PPP2R3A: variants seen among roughly 807,000 people sequenced by gnomAD.
PPP2R3A encodes the protein protein phosphatase 2 regulatory subunit B''alpha, also known as serine/threonine-protein phosphatase 2A regulatory subunit B'' subunit alpha.
A neutral mutation model predicts 106.9 loss-of-function variants in PPP2R3A; 80 were observed. The observed-to-expected ratio is 0.75, with a 90% confidence interval of 0.62 to 0.90. The LOEUF is 0.90. Ranked by LOEUF, PPP2R3A falls within the 40% of genes least tolerant of loss-of-function variation. PPP2R3A has a pLI of 0.00. For synonymous variants in PPP2R3A, 483 were observed against 468.3 expected, an observed-to-expected ratio of 1.03 and a Z score of -0.41; for missense variants, 1,386 against 1,350.4, an observed-to-expected ratio of 1.03 and a Z score of -0.41.
At chr3:135,997,946 T>C (rs1250650951) in intron 1 of PPP2R3A, among the ~76,000 whole-genome samples, 1 of 152,262 alleles carries the variant, frequency 6.6e-6, no homozygotes, top group Non-Finnish European at 1.5e-5. Flanking sequence ...GTGATCTTTC[T>C]GTAACAAATT....
At chr3:136,063,080 C>T (rs1456641242) in intron 5 of PPP2R3A, among the ~76,000 whole-genome samples, 1 of 152,124 alleles carries the variant, frequency 6.6e-6, no homozygotes, top group East Asian at 1.9e-4. Context: ...GAGATATAGA[C>T]CAATGGAATA....
intron 13 of PPP2R3A, among the ~76,000 whole-genome samples, chr3:136,128,069 T>TAAAGACCATCGATGCTAAATTG (rs1938252056): frequency 6.6e-6 from 1 of 151,986 alleles, no homozygotes; most frequent in Non-Finnish European, 1.5e-5. Flanking sequence ...ATGCCAAATT[T>TAAAGACCATCGATGCTAAATTG]TAAAGACCAT....
At chr3:136,084,203 C>G (rs752626313) in intron 8 of PPP2R3A, among the ~76,000 whole-genome samples, 4 of 152,176 alleles carry the variant, frequency 2.6e-5, no homozygotes, top group African/African-American at 7.2e-5. Flanking sequence ...GGCCTGGGGC[C>G]CCCCCTGCTC....
intron 1 of PPP2R3A, among the ~76,000 whole-genome samples, chr3:135,989,752 A>G (rs925253844): frequency 8.5e-5 from 13 of 152,110 alleles, no homozygotes; most frequent in African/African-American, 3.1e-4. Flanking sequence ...AAATGAGTAA[A>G]TTTACTGTGC....
chr3:136,094,438 C>T (rs1466839619), intron 10 of PPP2R3A, among the ~76,000 whole-genome samples: 4 of 151,972 alleles, frequency 2.6e-5, no homozygotes, highest in Non-Finnish European at 1.5e-5. Context: ...GTTCTGTAAA[C>T]AAAATGGAAT....
In PPP2R3A at chr3:136,146,620, T is replaced by C. The variant is rs1377566323; in HGVS notation, c.*1454T>C. On this transcript the variant is annotated 3_prime_UTR_variant, in exon 14 of 14. Transcript: ENST00000264977. ...AAGCTCCCAGTTCCCTGTCATTTTA[T>C]CTTCATGATTAGAACTGATCTTCCA... 6.6e-6 allele frequency: 1 copy of C among 152,222 alleles called. No homozygotes were observed. The highest frequency in any genetic ancestry group is 6.5e-5 in the Admixed American group (1 of 15,276). 9.4% of individuals were successfully genotyped at this position (152,222 alleles called of 1,614,324 possible).
intron 6 of PPP2R3A, 88 bp from the exon 7 acceptor site, chr3:136,078,279 G>A (rs911557099): frequency 2.3e-6 from 2 of 867,818 alleles, no homozygotes; most frequent in African/African-American, 1.7e-5. Context: ...AGTTAAATTG[G>A]TCCCAAGTAT....
At chr3:135,991,093 T>C (rs969232505) in intron 1 of PPP2R3A, among the ~76,000 whole-genome samples, 5 of 152,152 alleles carry the variant, frequency 3.3e-5, no homozygotes, top group Non-Finnish European at 7.4e-5. Context: ...ATTCCAGGAC[T>C]GGGTTTGGCA....
intron 13 of PPP2R3A, among the ~76,000 whole-genome samples, chr3:136,117,502 A>G (rs201917269): frequency 9.8e-5 from 15 of 152,348 alleles, no homozygotes; most frequent in South Asian, 4.1e-4. Flanking sequence ...AAAGAAGAAA[A>G]GAGAGAAGAG....
At chr3:136,035,859 A>G (rs553878656) in intron 3 of PPP2R3A, among the ~76,000 whole-genome samples, 99 of 152,226 alleles carry the variant, frequency 6.5e-4, no homozygotes, top group African/African-American at 2.1e-3. Flanking sequence ...AGGAACACCA[A>G]TCAATCTTAG....
chr3:136,087,615 T>C lies in PPP2R3A; in HGVS notation c.2789-268T>C, dbSNP rs1043222890. ...TTGGATAAGATCAAAACAAATCCTA[T>C]ATATTTTTGTCCTAGCTGTCAGGAT... On this transcript the variant is annotated intron_variant, in intron 8 of 13. Coordinates refer to ENST00000264977, the MANE Select transcript of PPP2R3A (RefSeq NM_002718.5). The C allele has an allele frequency of 2.6e-5, 8 of 301,904 alleles. No homozygotes were observed. In the East Asian group the frequency reaches 4.2e-4, roughly 16 times the overall value. The allele number at this position is 301,904 out of a possible 1,614,324, so 18.7% of individuals were successfully genotyped here.
At chr3:136,120,521 G>C (rs192180245) in intron 13 of PPP2R3A, among the ~76,000 whole-genome samples, 1 of 152,050 alleles carries the variant, frequency 6.6e-6, no homozygotes, top group African/African-American at 2.4e-5. Context: ...TTGGGAGGCG[G>C]AGGTTGCAGT....
At chr3:136,127,205 T>A (rs1938215094) in intron 13 of PPP2R3A, among the ~76,000 whole-genome samples, 1 of 152,044 alleles carries the variant, frequency 6.6e-6, no homozygotes, top group South Asian at 2.1e-4. Flanking sequence ...AGTTTGGTAA[T>A]AACAAACTTC....
At chr3:136,065,038 T>C (rs1269935695) in intron 5 of PPP2R3A, among the ~76,000 whole-genome samples, 1 of 152,158 alleles carries the variant, frequency 6.6e-6, no homozygotes, top group Non-Finnish European at 1.5e-5. Context: ...AGAATAAGGA[T>C]GGGTTGATAT....
At chr3:136,008,008 C>G (rs1480386950) in intron 2 of PPP2R3A, among the ~76,000 whole-genome samples, 2 of 91,552 alleles carry the variant, frequency 2.2e-5, no homozygotes, top group Admixed American at 1.0e-4. Flanking sequence ...AATAAAGAAC[C>G]TTCCTATGTT....
rs957622861 is a variant in PPP2R3A, at chr3:136,145,228, T to C, written c.*62T>C. 31 of 1,538,660 alleles carry C rather than the reference T, an allele frequency of 2.0e-5. No homozygotes were observed. Among genetic ancestry groups the C allele is most frequent in the South Asian group, 1.6e-4 (13 of 79,534 alleles). On this transcript the variant is annotated 3_prime_UTR_variant, in exon 14 of 14. Coordinates refer to ENST00000264977, the MANE Select transcript of PPP2R3A (RefSeq NM_002718.5). The stretch of plus-strand genomic sequence containing the variant: ...TAAATGTTTCTTTCTTGTGAAGAGA[T>C]GTTCTCGTTTGCATACTGCTTTTTA...
At chr3:136,143,930 T>C (rs1196118917) in intron 13 of PPP2R3A, among the ~76,000 whole-genome samples, 1 of 152,254 alleles carries the variant, frequency 6.6e-6, no homozygotes, top group Non-Finnish European at 1.5e-5. Context: ...CACAAATTCC[T>C]GCTTAAATAT....
chr3:136,021,818 G>A (rs1050319394), intron 2 of PPP2R3A, among the ~76,000 whole-genome samples: 13 of 151,668 alleles, frequency 8.6e-5, no homozygotes, highest in African/African-American at 3.1e-4. Flanking sequence ...TTTTTTTCTT[G>A]TCATTATTTC....
At chr3:136,140,842 G>A (rs538002647) in intron 13 of PPP2R3A, among the ~76,000 whole-genome samples, 12 of 151,920 alleles carry the variant, frequency 7.9e-5, no homozygotes, top group Admixed American at 4.6e-4. Context: ...CCTGGGAGGC[G>A]GAGGGTGCAG....
Sources: allele counts gnomAD v4.1 joint callset (sites outside exome capture counted in the v4.1 genomes callset), GRCh38; gene constraint gnomAD v4.1.1; transcripts MANE v1.5; gene names NCBI Gene and HGNC (gene_info 2026-07-23, HGNC 2026-07-21).